Variants in TMTC2 observed in about 807,000 individuals in gnomAD.
The protein encoded by TMTC2 is protein O-mannosyl-transferase TMTC2.
In TMTC2, 43 loss-of-function variants were observed where a neutral mutation model predicts 82.4. The ratio of observed to expected loss-of-function variants is 0.52; its 90% CI spans 0.41 to 0.67. The LOEUF (loss-of-function observed/expected upper bound fraction) is 0.67, where lower values mean the gene tolerates loss of function less well. TMTC2 is among the 30% of genes least tolerant of loss of function. TMTC2 has a pLI of 0.00. For synonymous variants in TMTC2, 408 were observed against 381.9 expected (o/e 1.07, Z -0.80); for missense variants, 919 against 1,012.4 (o/e 0.91, Z 1.25).
intron 4 of TMTC2, among the ~76,000 whole-genome samples, chr12:82,930,827 A>G (rs1379361006): frequency 3.3e-5 from 5 of 152,284 alleles, no homozygotes; most frequent in East Asian, 1.9e-4. Flanking sequence ...AGTTCTTAAA[A>G]TGTTTGTTCC....
At position 82,873,213 on chromosome 12, in the gene TMTC2, T is replaced by TGTGTGTGTGTG. The variant is rs142938543; in HGVS notation, c.654+15633_654+15634insGTGTGTGTGTG. ...GGATTTTGGCCCTGTTTCAAAGATGTTGTGTGTGTGTGTGTGTGTGTGTGT... is the reference window on the plus strand; with the variant it reads ...GGATTTTGGCCCTGTTTCAAAGATGTGTGTGTGTGTGTGTGTGTGTGTGTGTGTGTGTGTGT... On this transcript the variant is annotated intron_variant, in intron 2 of 11. Transcript: ENST00000321196. 3.2e-3 allele frequency among the ~76,000 whole-genome samples: 466 copies of TGTGTGTGTGTG among 143,630 alleles called. 2 individuals carry two copies. Among genetic ancestry groups the TGTGTGTGTGTG allele is most frequent in the African/African-American group, 0.012 (445 of 38,174 alleles). 94.2% of individuals were successfully genotyped at this position (143,630 alleles called of 152,430 possible). A position where few individuals can be genotyped will look rare whatever the true frequency, so the allele number is the denominator to read the frequency against.
chr12:83,086,049 C>T (rs1883644963), intron 11 of TMTC2, among the ~76,000 whole-genome samples: 2 of 151,112 alleles, frequency 1.3e-5, no homozygotes, highest in South Asian at 4.2e-4. Context: ...TCTTATCAGA[C>T]ACTCTGATTG....
chr12:82,866,874 A>T (rs1368332221), intron 2 of TMTC2, among the ~76,000 whole-genome samples: 1 of 152,244 alleles, frequency 6.6e-6, no homozygotes, highest in African/African-American at 2.4e-5. Context: ...GGGGTGGTGT[A>T]GAAAAAACTG....
At chr12:82,889,071 G>GT in intron 2 of TMTC2, among the ~76,000 whole-genome samples, 1 of 152,212 alleles carries the variant, frequency 6.6e-6, no homozygotes, top group South Asian at 2.1e-4. Context: ...AAGTTCAGGA[G>GT]TTCAAGACGA....
intron 1 of TMTC2, among the ~76,000 whole-genome samples, chr12:82,766,518 C>T (rs1376631731): frequency 3.9e-5 from 6 of 152,152 alleles, no homozygotes; most frequent in Non-Finnish European, 8.8e-5. Context: ...CACTTCACTT[C>T]CTCTTTCTTA....
chr12:82,894,197 C>T (rs1207714867), intron 2 of TMTC2, among the ~76,000 whole-genome samples: 1 of 152,096 alleles, frequency 6.6e-6, no homozygotes, highest in Non-Finnish European at 1.5e-5. Context: ...GCCCAGTAGG[C>T]AACTGAATAA....
chr12:82,768,217 A>G (rs1449485100), intron 1 of TMTC2, among the ~76,000 whole-genome samples: 1 of 152,200 alleles, frequency 6.6e-6, no homozygotes, highest in African/African-American at 2.4e-5. Flanking sequence ...AATCCAGCAC[A>G]AGAGTTTGTG....
At chr12:82,851,725 C>T (rs1870985511) in intron 1 of TMTC2, among the ~76,000 whole-genome samples, 1 of 152,122 alleles carries the variant, frequency 6.6e-6, no homozygotes, top group Admixed American at 6.5e-5. Flanking sequence ...TTTCAACCTA[C>T]TGTTATTTAT....
intron 11 of TMTC2, among the ~76,000 whole-genome samples, chr12:83,066,090 A>G (rs1882906518): frequency 6.6e-6 from 1 of 151,984 alleles, no homozygotes; most frequent in Non-Finnish European, 1.5e-5. Context: ...TAAGAAATGT[A>G]CAATCTAATG....
chr12:82,716,404 C>T (rs1355507997), intron 1 of TMTC2, among the ~76,000 whole-genome samples: 1 of 149,086 alleles, frequency 6.7e-6, no homozygotes, highest in African/African-American at 2.5e-5. Context: ...CGCTTTGTCG[C>T]CCAGGCTGGA....
At chr12:82,923,949 T>C (rs1254296564) in intron 3 of TMTC2, among the ~76,000 whole-genome samples, 1 of 152,220 alleles carries the variant, frequency 6.6e-6, no homozygotes, top group Non-Finnish European at 1.5e-5. Flanking sequence ...ATCAAATTTC[T>C]TAAAGAATTA....
chr12:82,753,515 G>A (rs74106275), intron 1 of TMTC2, among the ~76,000 whole-genome samples: 18,708 of 152,058 alleles, frequency 0.12, 1,503 homozygotes, highest in African/African-American at 0.23. Context: ...AATGTTTTAT[G>A]TATTGGGTGG....
intron 8 of TMTC2, among the ~76,000 whole-genome samples, chr12:83,011,481 A>G (rs944268547): frequency 2.6e-5 from 4 of 152,242 alleles, no homozygotes; most frequent in African/African-American, 9.6e-5. Context: ...TAGCAGTAAG[A>G]ATGATATTAT....
chr12:83,063,222 G>C (rs1882804407), intron 11 of TMTC2, among the ~76,000 whole-genome samples: 1 of 151,632 alleles, frequency 6.6e-6, no homozygotes, highest in African/African-American at 2.4e-5. Context: ...AAGTGTTAAT[G>C]AGGGTCTTAT....
intron 8 of TMTC2, among the ~76,000 whole-genome samples, chr12:83,023,344 A>T (rs1046134758): frequency 1.3e-5 from 2 of 152,218 alleles, no homozygotes; most frequent in African/African-American, 4.8e-5. Context: ...CCCTTTGCTC[A>T]TGTAACATAT....
chr12:82,817,111 G>A (rs1868786539), intron 1 of TMTC2, among the ~76,000 whole-genome samples: 2 of 151,800 alleles, frequency 1.3e-5, no homozygotes, highest in African/African-American at 4.8e-5. Context: ...GGGATTATAG[G>A]CGCCCGCCAC....
chr12:82,687,888 C>A (rs1027663111), intron 1 of TMTC2, among the ~76,000 whole-genome samples: 2 of 152,194 alleles, frequency 1.3e-5, no homozygotes, highest in Non-Finnish European at 2.9e-5. Flanking sequence ...GCAGCAGGTT[C>A]TCTCCCTTGC....
intron 1 of TMTC2, among the ~76,000 whole-genome samples, chr12:82,716,843 G>A (rs1431805369): frequency 6.6e-6 from 1 of 152,200 alleles, no homozygotes; most frequent in Non-Finnish European, 1.5e-5. Context: ...CTTAAGGTTA[G>A]TGAAATGCTT....
At chr12:82,773,245 TTCAAA>T (rs1877401959) in intron 1 of TMTC2, among the ~76,000 whole-genome samples, 1 of 152,208 alleles carries the variant, frequency 6.6e-6, no homozygotes. Flanking sequence ...AGAGTCTTGT[TTCAAA>T]TTGTATATAG....
Sources: allele counts gnomAD v4.1 joint callset (sites outside exome capture counted in the v4.1 genomes callset), GRCh38; gene constraint gnomAD v4.1.1; transcripts MANE v1.5; gene names NCBI Gene and HGNC (gene_info 2026-07-23, HGNC 2026-07-21).